GTF2H2: variants seen among roughly 807,000 people sequenced by gnomAD.
GTF2H2 encodes general transcription factor IIH subunit 2.
A neutral mutation model predicts 16.5 loss-of-function variants in GTF2H2; 2 were observed. That is an observed-to-expected ratio of 0.12 (90% CI 0.05 to 0.38). GTF2H2 has a LOEUF of 0.38. GTF2H2 is among the 10% of genes least tolerant of loss of function. The pLI is 0.99. For missense variants in GTF2H2, 20 were observed against 137.0 expected (o/e 0.15, Z 4.26); for synonymous variants, 8 against 44.1 (o/e 0.18, Z 3.24).
intron 8 of GTF2H2, chr5:71,050,439 CAA>C (rs1166703790): frequency 2.6e-3 from 84 of 32,312 alleles, no homozygotes; most frequent in South Asian, 8.4e-3. Flanking sequence ...GACTCCATCT[CAA>C]AAAAAAAAAA....
At chr5:71,054,747 GTGTGTATA>G (rs1239291632) in intron 8 of GTF2H2, among the ~76,000 whole-genome samples, 11 of 132,676 alleles carry the variant, frequency 8.3e-5, no homozygotes, top group Non-Finnish European at 1.8e-4. Flanking sequence ...GTGTGTGTGT[GTGTGTATA>G]TATATAATAG....
At position 71,051,176 on chromosome 5, in the gene GTF2H2, A is replaced by G. The variant is rs1373124595; in HGVS notation, c.471-2018T>C. Among the ~76,000 whole-genome samples the G allele has an allele frequency of 1.6e-5, 2 of 126,568 alleles. 1 individual carries two copies. The highest frequency in any genetic ancestry group is 3.4e-5 in the Non-Finnish European group (2 of 58,910). The allele number at this position is 126,568 out of a possible 152,430, so 83.0% of individuals were successfully genotyped here. A position where few individuals can be genotyped will look rare whatever the true frequency, so the allele number is the denominator to read the frequency against. On this transcript the variant is annotated intron_variant, in intron 8 of 15. Transcript: ENST00000274400. The stretch of plus-strand genomic sequence containing the variant: ...TAGATATTTTGACCTCTTTCTATGA[A>G]TGGCATTTAGAATGGTGAATTCTTT...
chr5:71,053,304 G>A (rs1487314068), intron 8 of GTF2H2, among the ~76,000 whole-genome samples: 1 of 142,166 alleles, frequency 7.0e-6, no homozygotes, highest in Non-Finnish European at 1.5e-5. Context: ...TGTGTCTTAG[G>A]AGATGGGGGG....
At chr5:71,055,229 C>T in intron 8 of GTF2H2, 123 bp downstream of exon 8, 3 of 967,382 alleles carry the variant, frequency 3.1e-6, no homozygotes, top group Non-Finnish European at 4.4e-6. Flanking sequence ...AATAACACTA[C>T]ATAATTCTTG....
At chr5:71,057,469 C>A (rs1753342603) in intron 7 of GTF2H2, among the ~76,000 whole-genome samples, 2 of 140,708 alleles carry the variant, frequency 1.4e-5, no homozygotes. Flanking sequence ...TATTCATCAA[C>A]TTGGAGCTCC....
chr5:71,054,829 T>C (rs1205145857), intron 8 of GTF2H2, among the ~76,000 whole-genome samples: 1 of 136,824 alleles, frequency 7.3e-6, no homozygotes, highest in East Asian at 2.0e-4. Context: ...TATATATGTA[T>C]AATAAATTAT....
intron 11 of GTF2H2, among the ~76,000 whole-genome samples, chr5:71,046,011 C>G (rs1334988602): frequency 6.9e-6 from 1 of 144,770 alleles, no homozygotes; most frequent in Non-Finnish European, 1.5e-5. Context: ...CATAGTACAC[C>G]ATTTTATCTA....
At chr5:71,061,512 A>C in intron 3 of GTF2H2, 176 bp downstream of exon 3, 1 of 376,216 alleles carries the variant, frequency 2.7e-6, no homozygotes, top group South Asian at 3.0e-5. Context: ...ACAGTCTCTA[A>C]AGACCATTTC....
intron 14 of GTF2H2, among the ~76,000 whole-genome samples, chr5:71,038,645 C>A (rs1476840526): frequency 3.2e-5 from 1 of 31,256 alleles, no homozygotes; most frequent in Non-Finnish European, 5.9e-5. Flanking sequence ...ATATTCTCAG[C>A]TAAGCCATAA....
chr5:71,045,968 T>G (rs1752309321), intron 11 of GTF2H2, among the ~76,000 whole-genome samples: 1 of 144,534 alleles, frequency 6.9e-6, no homozygotes, highest in African/African-American at 2.7e-5. Flanking sequence ...GAGGTTGTAA[T>G]TTTTACATCA....
At chr5:71,054,512 T>C (rs1252918669) in intron 8 of GTF2H2, among the ~76,000 whole-genome samples, 50 of 144,710 alleles carry the variant, frequency 3.5e-4, no homozygotes, top group South Asian at 6.4e-4. Context: ...CTGGCTAACA[T>C]GGTGAAACCC....
At chr5:71,050,995 C>T (rs1752664643) in intron 8 of GTF2H2, among the ~76,000 whole-genome samples, 1 of 136,020 alleles carries the variant, frequency 7.4e-6, no homozygotes, top group South Asian at 2.2e-4. Flanking sequence ...TACAGGCATG[C>T]ACCACCATGC....
At position 71,055,238 on chromosome 5, in the gene GTF2H2, T is replaced by G. The variant is rs1018362463; in HGVS notation, c.470+114A>C. The G allele has an allele frequency of 2.0e-5, 21 of 1,063,572 alleles. 2 individuals are homozygous for G. The highest frequency in any genetic ancestry group is 1.2e-4 in the South Asian group (7 of 58,266). The allele number at this position is 1,063,572 out of a possible 1,614,324, so 65.9% of individuals were successfully genotyped here. A position where few individuals can be genotyped will look rare whatever the true frequency, so the allele number is the denominator to read the frequency against. ...ATCATAAATAACACTACATAATTCTTGTACTTAACAATTTTGTTATAGCTG... is the reference window on the plus strand; with the variant it reads ...ATCATAAATAACACTACATAATTCTGGTACTTAACAATTTTGTTATAGCTG... On this transcript the variant is annotated intron_variant, in intron 8 of 15. Coordinates refer to ENST00000274400, the Ensembl canonical transcript of GTF2H2.
chr5:71,061,031 A>G, intron 4 of GTF2H2, 101 bp from the exon 5 acceptor site: 1 of 44,706 alleles, frequency 2.2e-5, no homozygotes, highest in South Asian at 2.3e-4. Context: ...CCTGGGCTCA[A>G]GCAATCCTCC....
chr5:71,038,661 C>G (rs1300313569), intron 14 of GTF2H2, among the ~76,000 whole-genome samples: 1 of 28,098 alleles, frequency 3.6e-5, no homozygotes, highest in African/African-American at 1.4e-4. Flanking sequence ...CATAAGTTTT[C>G]CCCTATTTAA....
At chr5:71,047,387 AG>A (rs1752465400) in intron 11 of GTF2H2, 1 of 147,160 alleles carries the variant, frequency 6.8e-6, no homozygotes, top group South Asian at 2.2e-4. Context: ...CCAAAGTGCT[AG>A]GATTACAGGC....
At chr5:71,054,671 T>C (rs1753036862) in intron 8 of GTF2H2, among the ~76,000 whole-genome samples, 1 of 138,754 alleles carries the variant, frequency 7.2e-6, no homozygotes, top group Non-Finnish European at 1.6e-5. Context: ...CCAGCCTGGG[T>C]GACAGAGCAA....
At chr5:71,053,783 C>G (rs1365975329) in intron 8 of GTF2H2, among the ~76,000 whole-genome samples, 2 of 141,418 alleles carry the variant, frequency 1.4e-5, no homozygotes, top group Non-Finnish European at 3.0e-5. Context: ...CATCACTACT[C>G]CTGCACTTTG....
intron 14 of GTF2H2, among the ~76,000 whole-genome samples, chr5:71,037,974 C>CAAAAAAAA (rs1164937065): frequency 1.2e-4 from 1 of 8,434 alleles, no homozygotes; most frequent in Non-Finnish European, 2.5e-4. Context: ...CTCTGACTCA[C>CAAAAAAAA]AAAAAAAAAA....
Sources: gnomAD v4.1 joint callset for allele counts (sites outside exome capture counted in the v4.1 genomes callset) on GRCh38, gnomAD v4.1.1 for gene constraint, MANE v1.5 for transcripts, NCBI Gene and HGNC (gene_info 2026-07-23, HGNC 2026-07-21) for gene names.